The following HTR1D variants were observed in gnomAD, a reference collection of about 807,000 sequenced individuals.
HTR1D encodes 5-HT-1D.
A neutral mutation model predicts 21.1 loss-of-function variants in HTR1D; 18 were observed. The observed-to-expected ratio is 0.85, with a 90% CI of 0.59 to 1.27. The LOEUF is 1.27. Ranked by LOEUF, HTR1D falls within the 50% of genes most tolerant of loss-of-function variation. The pLI, the probability that HTR1D is intolerant of heterozygous loss-of-function variation, is 0.00. For missense variants in HTR1D, 456 were observed against 481.4 expected (o/e 0.95, Z 0.49); for synonymous variants, 196 against 204.4 (o/e 0.96, Z 0.35).
At chr1:23,199,274 C>G (rs1644700973) in intron 1 of HTR1D, among the ~76,000 whole-genome samples, 1 of 151,588 alleles carries the variant, frequency 6.6e-6, no homozygotes, top group Non-Finnish European at 1.5e-5. Context: ...CTACCACTCC[C>G]AAGTGATTTT....
intron 1 of HTR1D, among the ~76,000 whole-genome samples, chr1:23,206,968 G>A (rs972719107): frequency 6.6e-6 from 1 of 152,150 alleles, no homozygotes; most frequent in African/African-American, 2.4e-5. Context: ...TGGCTTTGCT[G>A]CGAACTTTCT....
chr1:23,194,382 T>C lies in HTR1D; in HGVS notation c.-163A>G, dbSNP rs755561732. On this transcript the variant is annotated 5_prime_UTR_variant, in exon 2 of 2. Transcript: ENST00000374619. ...TCTCAAGACCAGACTATTCTCTAAG[T>C]ACAGTTGCAATAAAATAAAATTAAA... The C allele has an allele frequency of 3.9e-6, 2 of 509,556 alleles. No homozygotes were observed. Among genetic ancestry groups the C allele is most frequent in the Admixed American group, 7.0e-5 (2 of 28,594 alleles). 31.6% of individuals were successfully genotyped at this position (509,556 alleles called of 1,614,324 possible).
At chr1:23,215,514 C>T (rs371813112) in intron 1 of HTR1D, among the ~76,000 whole-genome samples, 17 of 152,338 alleles carry the variant, frequency 1.1e-4, no homozygotes, top group Admixed American at 6.5e-4. Flanking sequence ...GGGCCTTAGA[C>T]GGGAAACATC....
intron 1 of HTR1D, among the ~76,000 whole-genome samples, chr1:23,216,110 T>C (rs942383492): frequency 6.6e-6 from 1 of 152,200 alleles, no homozygotes; most frequent in African/African-American, 2.4e-5. Flanking sequence ...TTGCTGCTGA[T>C]AAAGTGTCCC....
intron 1 of HTR1D, among the ~76,000 whole-genome samples, chr1:23,209,065 A>G (rs1224041638): frequency 6.8e-6 from 1 of 147,902 alleles, no homozygotes; most frequent in Non-Finnish European, 1.5e-5. Context: ...GCACAATCTC[A>G]GCTGACTGCA....
chr1:23,217,244 C>A lies in HTR1D; in HGVS notation c.-783+47G>T, dbSNP rs1644779001. On this transcript the variant is annotated intron_variant, in intron 1 of 1. Coordinates refer to ENST00000374619, the MANE Select transcript of HTR1D (RefSeq NM_000864.5). The surrounding 1 kb of genome is among the most constrained non-coding windows in gnomAD (Gnocchi z 4.6). ...CGCCGCTCCCGGCCTCAGTTCCCCG[C>A]GGACGGCCGCTGGGGCCAGGCTGCA... Among the ~76,000 whole-genome samples, 1 of 151,866 alleles carries A rather than the reference C, an allele frequency of 6.6e-6. No individual in the cohort carries two copies. The highest frequency in any genetic ancestry group is 1.5e-5 in the Non-Finnish European group (1 of 67,890).
At chr1:23,211,671 T>G (rs1644754062) in intron 1 of HTR1D, among the ~76,000 whole-genome samples, 1 of 151,982 alleles carries the variant, frequency 6.6e-6, no homozygotes, top group African/African-American at 2.4e-5. Context: ...TTTTATTTAT[T>G]TATTTTTAGG....
intron 1 of HTR1D, among the ~76,000 whole-genome samples, chr1:23,205,003 A>C (rs1319378041): frequency 6.6e-6 from 1 of 152,244 alleles, no homozygotes; most frequent in East Asian, 1.9e-4. Flanking sequence ...CCAAATGCCC[A>C]TCAATCAACA....
At chr1:23,214,011 A>C (rs545775360) in intron 1 of HTR1D, among the ~76,000 whole-genome samples, 44 of 152,262 alleles carry the variant, frequency 2.9e-4, no homozygotes, top group African/African-American at 1.0e-3. Context: ...TTCCTTGAAG[A>C]TTTACCTATT....
chr1:23,212,028 CTCA>C (rs557917777), intron 1 of HTR1D, among the ~76,000 whole-genome samples: 28 of 152,266 alleles, frequency 1.8e-4, no homozygotes, highest in Middle Eastern at 3.4e-3. Flanking sequence ...GTCATTTCCT[CTCA>C]TCCTCCTATT....
At chr1:23,214,725 C>T (rs1418365244) in intron 1 of HTR1D, among the ~76,000 whole-genome samples, 1 of 152,126 alleles carries the variant, frequency 6.6e-6, no homozygotes, top group Non-Finnish European at 1.5e-5. Flanking sequence ...GCGTATCTTT[C>T]CCCACACACC....
intron 1 of HTR1D, among the ~76,000 whole-genome samples, chr1:23,199,776 G>C (rs947087367): frequency 6.6e-6 from 1 of 151,940 alleles, no homozygotes; most frequent in African/African-American, 2.4e-5. Context: ...GCAAATCTTC[G>C]CTCACTGCAG....
intron 1 of HTR1D, among the ~76,000 whole-genome samples, chr1:23,211,414 G>T (rs1207158202): frequency 6.6e-6 from 1 of 152,128 alleles, no homozygotes; most frequent in African/African-American, 2.4e-5. Flanking sequence ...GCAACCCTGA[G>T]GTTTCACTGT....
Position 23,193,594 on chromosome 1 carries a change from G to A in HTR1D, c.626C>T (p.Pro209Leu). ...ATATAGGATGATGAGCAACACCGAG[G>A]GAATGTAGAAGGCCCCACAGGTGGA... Reference protein sequence around the residue: ...IYSTCGAFYIPSVLLIILYGR... With the variant: ...IYSTCGAFYILSVLLIILYGR... The change falls in exon 2 of 2, where the codon CCC becomes CTC. Residue 209 changes from proline (P) to leucine (L), a missense_variant. Transcript: ENST00000374619. The A allele has an allele frequency of 6.2e-7, 1 of 1,614,126 alleles. No individual in the cohort carries two copies. Among genetic ancestry groups the A allele is most frequent in the Non-Finnish European group, 8.5e-7 (1 of 1,179,998 alleles).
intron 1 of HTR1D, among the ~76,000 whole-genome samples, chr1:23,214,403 G>A (rs998402038): frequency 2.0e-5 from 3 of 151,988 alleles, no homozygotes; most frequent in African/African-American, 7.3e-5. Context: ...CTCTAGCCTG[G>A]GTGACAAAGC....
At chr1:23,207,223 C>T (rs1644734978) in intron 1 of HTR1D, among the ~76,000 whole-genome samples, 1 of 152,008 alleles carries the variant, frequency 6.6e-6, no homozygotes, top group Non-Finnish European at 1.5e-5. Flanking sequence ...CATGGAGAAA[C>T]CCCGTCTCTA....
At chr1:23,207,530 A>G (rs1052147208) in intron 1 of HTR1D, among the ~76,000 whole-genome samples, 1 of 152,238 alleles carries the variant, frequency 6.6e-6, no homozygotes, top group Non-Finnish European at 1.5e-5. Flanking sequence ...AACCAAGAAG[A>G]AAAACCACTG....
intron 1 of HTR1D, among the ~76,000 whole-genome samples, chr1:23,212,273 C>T (rs978773048): frequency 1.3e-5 from 2 of 152,180 alleles, no homozygotes; most frequent in African/African-American, 4.8e-5. Flanking sequence ...CTGGACTCCC[C>T]TGGACTGGAA....
chr1:23,214,871 A>G (rs1428911151), intron 1 of HTR1D, among the ~76,000 whole-genome samples: 1 of 152,126 alleles, frequency 6.6e-6, no homozygotes, highest in Admixed American at 6.6e-5. Context: ...CTAGAGGCAT[A>G]CATGTATGAG....
Sources: allele counts gnomAD v4.1 joint callset (sites outside exome capture counted in the v4.1 genomes callset), GRCh38; gene constraint gnomAD v4.1.1; non-coding constraint Gnocchi (gnomAD v3.1); transcripts MANE v1.5; gene names NCBI Gene and HGNC (gene_info 2026-07-23, HGNC 2026-07-21).